Variants in RPRD1B observed in about 807,000 individuals in gnomAD.
RPRD1B encodes regulation of nuclear pre-mRNA domain containing 1B, also known as regulation of nuclear pre-mRNA domain-containing protein 1B.
RPRD1B carries 11 observed loss-of-function variants against 41.5 expected under a neutral mutation model. The observed-to-expected ratio is 0.27, with a 90% CI of 0.17 to 0.44. RPRD1B has a LOEUF of 0.44. Ranked by LOEUF, RPRD1B falls within the 20% of genes least tolerant of loss-of-function variation. RPRD1B has a pLI of 1.00. For missense variants in RPRD1B, 248 were observed against 389.9 expected, an observed-to-expected ratio of 0.64 and a Z score of 3.06; for synonymous variants, 158 against 155.6, an observed-to-expected ratio of 1.02 and a Z score of -0.12.
At chr20:38,045,450 T>C (rs1467302019) in intron 2 of RPRD1B, among the ~76,000 whole-genome samples, 1 of 152,260 alleles carries the variant, frequency 6.6e-6, no homozygotes, top group Non-Finnish European at 1.5e-5. Flanking sequence ...TTGAAACTTA[T>C]CTAGCAAAAC....
At chr20:38,039,664 A>G (rs978750342) in intron 1 of RPRD1B, among the ~76,000 whole-genome samples, 3 of 151,736 alleles carry the variant, frequency 2.0e-5, no homozygotes, top group Admixed American at 6.6e-5. Flanking sequence ...TCGGCCTCCA[A>G]AAGTGCTGGG....
chr20:38,033,972 C>T lies in RPRD1B; in HGVS notation c.25C>T (p.Leu9=). The T allele has an allele frequency of 6.2e-7, 1 of 1,613,202 alleles. No homozygotes were observed. Among genetic ancestry groups the T allele is most frequent in the Non-Finnish European group, 8.5e-7 (1 of 1,179,468 alleles). Residue 9 remains leucine (L), a synonymous_variant, in exon 1 of 7, where the codon CTG becomes TTG. Coordinates refer to ENST00000373433, the MANE Select transcript of RPRD1B (RefSeq NM_021215.4). MSSFSESA[L]EKKLSELSNS... ...CATGTCCTCCTTCTCTGAGTCGGCG[C>T]TGGAGAAGAAGCTCTCGGAGCTGAG... is the stretch of plus-strand genomic sequence containing the variant.
intron 3 of RPRD1B, among the ~76,000 whole-genome samples, chr20:38,049,367 C>CTTTTTTTTTTTTTTTTT (rs11481142): frequency 2.1e-5 from 2 of 93,416 alleles, no homozygotes; most frequent in Non-Finnish European, 4.2e-5. Context: ...TTCTTTTTTT[C>CTTTTTTTTTTTTTTTTT]TTTTTTTTTT....
chr20:38,041,727 GTT>G (rs1220606582), intron 2 of RPRD1B, among the ~76,000 whole-genome samples: 2 of 152,168 alleles, frequency 1.3e-5, no homozygotes, highest in Non-Finnish European at 2.9e-5. Context: ...CCTTGGATGT[GTT>G]ACTTAACTTT....
At position 38,090,526 on chromosome 20, in the gene RPRD1B, A is replaced by G; in HGVS notation, c.*651A>G. 1 of 985,988 alleles carries G rather than the reference A, an allele frequency of 1.0e-6. No individual in the cohort carries two copies. Among genetic ancestry groups the G allele is most frequent in the Non-Finnish European group, 1.2e-6 (1 of 829,972 alleles). 61.1% of individuals were successfully genotyped at this position (985,988 alleles called of 1,614,324 possible). A position where few individuals can be genotyped will look rare whatever the true frequency, so the allele number is the denominator to read the frequency against. ...AAGCTAATCTGGAGCATAAAGGCAC[A>G]GTTCAGAGACAGAATAACAGGGATC... is the stretch of plus-strand genomic sequence containing the variant. On this transcript the variant is annotated 3_prime_UTR_variant, in exon 7 of 7. Transcript: ENST00000373433.
chr20:38,086,114 C>G (rs1303814597), intron 6 of RPRD1B, among the ~76,000 whole-genome samples: 1 of 152,152 alleles, frequency 6.6e-6, no homozygotes. Context: ...CTTGTCTAGC[C>G]TGGAGTCACT....
In RPRD1B at chr20:38,090,183, T is replaced by C. The variant is rs559471878; in HGVS notation, c.*308T>C. On this transcript the variant is annotated 3_prime_UTR_variant, in exon 7 of 7. Transcript: ENST00000373433. ...CTGTCTCCTTATACCTAAGAAGTTA[T>C]GAAAATCATGTGTACTTCTGGAAGC... The C allele has an allele frequency of 1.4e-5, 15 of 1,047,848 alleles. No individual in the cohort carries two copies. The Admixed American group carries it at 1.6e-4, about 11-fold the overall frequency. 64.9% of individuals were successfully genotyped at this position (1,047,848 alleles called of 1,614,324 possible).
chr20:38,045,197 G>C (rs893437915), intron 2 of RPRD1B, among the ~76,000 whole-genome samples: 2 of 152,152 alleles, frequency 1.3e-5, no homozygotes, highest in African/African-American at 4.8e-5. Context: ...GTAATTATTT[G>C]CCATCTTCCA....
chr20:38,041,530 A>G (rs185969125), intron 2 of RPRD1B, among the ~76,000 whole-genome samples: 66 of 152,336 alleles, frequency 4.3e-4, no homozygotes, highest in South Asian at 8.3e-4. Flanking sequence ...CTTTTGATCA[A>G]CATGGGCGCA....
intron 5 of RPRD1B, among the ~76,000 whole-genome samples, chr20:38,061,930 G>T (rs779203424): frequency 1.6e-4 from 25 of 152,124 alleles, no homozygotes; most frequent in Non-Finnish European, 2.8e-4. Flanking sequence ...ATATGGCCAA[G>T]GGACTTGGCA....
At chr20:38,074,738 C>T (rs1600431886) in intron 6 of RPRD1B, among the ~76,000 whole-genome samples, 1 of 152,172 alleles carries the variant, frequency 6.6e-6, no homozygotes, top group Admixed American at 6.5e-5. Context: ...AACTAGTACT[C>T]AGGGTTTTTG....
chr20:38,085,812 T>G (rs1391186608), intron 6 of RPRD1B, among the ~76,000 whole-genome samples: 1 of 151,720 alleles, frequency 6.6e-6, no homozygotes, highest in Non-Finnish European at 1.5e-5. Flanking sequence ...TGGAGTTGTA[T>G]TTGGGGGAGT....
At chr20:38,070,443 A>G in intron 6 of RPRD1B, 1 of 985,526 alleles carries the variant, frequency 1.0e-6, no homozygotes, top group Non-Finnish European at 1.2e-6. Context: ...GGCAAAGGCC[A>G]AAGATACCAG....
rs547837485 is a variant in RPRD1B, at chr20:38,058,256, C to CG, written c.528+620dup. ...GCCCATGCTCTTTTCAAGGCGGGGG[C>CG]GGGGGGGGCTTCATCTTATTTTGCC... is the stretch of plus-strand genomic sequence containing the variant. On this transcript the variant is annotated intron_variant, in intron 4 of 6. Coordinates refer to ENST00000373433, the MANE Select transcript of RPRD1B (RefSeq NM_021215.4). 1.8e-3 allele frequency among the ~76,000 whole-genome samples: 268 copies of CG among 149,866 alleles called. 1 individual carries two copies. Among genetic ancestry groups the CG allele is most frequent in the Middle Eastern group, 7.0e-3 (2 of 284 alleles).
At chr20:38,055,485 C>T (rs1030456363) in intron 3 of RPRD1B, among the ~76,000 whole-genome samples, 2 of 151,476 alleles carry the variant, frequency 1.3e-5, no homozygotes, top group Admixed American at 6.6e-5. Flanking sequence ...TCCTCTAGGA[C>T]GTTGTCATTC....
At position 38,035,317 on chromosome 20, in the gene RPRD1B, A is replaced by G. The variant is rs144647802; in HGVS notation, c.151+1219A>G. On this transcript the variant is annotated intron_variant, in intron 1 of 6. Transcript: ENST00000373433. Reference sequence around the variant, plus strand: ...AGCTCAGAGCTGCTCCAGACACCCTATATGTGGTAGGCCTTTATAGCGAAG... The same window carrying G: ...AGCTCAGAGCTGCTCCAGACACCCTGTATGTGGTAGGCCTTTATAGCGAAG... 1.7e-3 allele frequency among the ~76,000 whole-genome samples: 261 copies of G among 152,268 alleles called. 1 individual carries two copies. Among genetic ancestry groups the G allele is most frequent in the Non-Finnish European group, 2.0e-3 (137 of 68,022 alleles).
intron 3 of RPRD1B, 164 bp downstream of exon 3, chr20:38,048,645 G>A (rs746343827): frequency 5.1e-5 from 48 of 943,382 alleles, no homozygotes; most frequent in African/African-American, 8.9e-5. Context: ...TGCTCACAGC[G>A]TGTAAGCCTG....
At chr20:38,038,582 C>T (rs569162638) in intron 1 of RPRD1B, among the ~76,000 whole-genome samples, 3 of 148,124 alleles carry the variant, frequency 2.0e-5, no homozygotes, top group East Asian at 2.0e-4. Context: ...CTGCAAGCTC[C>T]GCCTCCTGGG....
At chr20:38,064,053 T>G (rs1240610923) in intron 5 of RPRD1B, among the ~76,000 whole-genome samples, 4 of 152,170 alleles carry the variant, frequency 2.6e-5, no homozygotes, top group Non-Finnish European at 5.9e-5. Flanking sequence ...TTAAAAACGA[T>G]CAGTCAAGCA....
Sources: gnomAD v4.1 joint callset for allele counts (sites outside exome capture counted in the v4.1 genomes callset) on GRCh38, gnomAD v4.1.1 for gene constraint, MANE v1.5 for transcripts, NCBI Gene and HGNC (gene_info 2026-07-23, HGNC 2026-07-21) for gene names.